The following ADAMTSL2 variants were observed in gnomAD, a reference collection of about 807,000 sequenced individuals.
The protein encoded by ADAMTSL2 is ADAMTS-like protein 2.
Under a neutral mutation model 117.0 loss-of-function variants are expected in ADAMTSL2, and 55 were observed. That is an observed-to-expected ratio of 0.47 (90% CI 0.38 to 0.59). The LOEUF (loss-of-function observed/expected upper bound fraction) is 0.59. ADAMTSL2 is among the 20% of genes least tolerant of loss of function. The pLI is 0.00. For synonymous variants in ADAMTSL2, 572 were observed against 566.4 expected, an observed-to-expected ratio of 1.01 and a Z score of -0.14; for missense variants, 1,182 against 1,354.5, an observed-to-expected ratio of 0.87 and a Z score of 2.00.
chr9:133,565,874 C>CACACACAT (rs1412659047), intron 12 of ADAMTSL2, among the ~76,000 whole-genome samples: 338 of 151,948 alleles, frequency 2.2e-3, no homozygotes, highest in African/African-American at 6.8e-3. Context: ...CACACACACA[C>CACACACAT]AGCCACAGCA....
intron 7 of ADAMTSL2, among the ~76,000 whole-genome samples, chr9:133,541,288 G>A (rs940895606): frequency 6.8e-6 from 1 of 146,984 alleles, no homozygotes; most frequent in Admixed American, 6.9e-5. Flanking sequence ...TGTTAACAAT[G>A]CACCTTTTTT....
intron 12 of ADAMTSL2, among the ~76,000 whole-genome samples, chr9:133,564,279 G>A (rs961544359): frequency 0.01 from 105 of 10,374 alleles, no homozygotes; most frequent in South Asian, 0.016. Context: ...AGAGAAAGAG[G>A]GAGAGAGAGA....
rs1373823561 is a variant in ADAMTSL2, at chr9:133,540,689, C to T, written c.504C>T (p.Gly168=). ...AGCTCATGGTCCCCGCCCGCGACGG[C>T]ACATCCTGCAAGCTCACTGACCTGC... is the stretch of plus-strand genomic sequence containing the variant. The part of the protein sequence containing the change: ...QRQLMVPARD[G]TSCKLTDLRG... Residue 168 remains glycine (G), a synonymous_variant, in exon 6 of 19, where the codon GGC becomes GGT. Transcript: ENST00000651351. 6.2e-7 allele frequency: 1 copy of T among 1,613,736 alleles called. No homozygotes were observed. The highest frequency in any genetic ancestry group is 2.2e-5 in the East Asian group (1 of 44,898).
intron 7 of ADAMTSL2, 106 bp from the exon 8 acceptor site, chr9:133,544,364 C>T (rs1420359640): frequency 1.1e-5 from 11 of 966,050 alleles, no homozygotes; most frequent in Non-Finnish European, 1.9e-5. Context: ...TTGGGCCAGC[C>T]CTTAGACAGC....
At chr9:133,559,516 T>G (rs1228734851) in intron 11 of ADAMTSL2, among the ~76,000 whole-genome samples, 2 of 151,480 alleles carry the variant, frequency 1.3e-5, no homozygotes, top group African/African-American at 4.8e-5. Context: ...GTGAATTTTT[T>G]TTTTTTTTTG....
Position 133,568,405 on chromosome 9 carries a change from C to A in ADAMTSL2, c.2007C>A (p.Ala669=). 6.2e-7 allele frequency: 1 copy of A among 1,607,942 alleles called. No homozygotes were observed. Residue 669 remains alanine (A), a synonymous_variant, in exon 14 of 19, where the codon GCC becomes GCA. Coordinates refer to ENST00000651351, the MANE Select transcript of ADAMTSL2 (RefSeq NM_014694.4). The stretch of plus-strand genomic sequence containing the variant: ...TGTACAGCGACCTGTGCGAGGCAGC[C>A]GAGGCCGTGCGGCCCGAGGAACGCA... ...SSVYSDLCEA[A]EAVRPEERKT...
At position 133,555,645 on chromosome 9, in the gene ADAMTSL2, C is replaced by G; in HGVS notation, c.1364C>G (p.Ala455Gly). ...THFASQEFFS[A>G]NAISDQLLGA... ...TTCGCCTCCCAGGAGTTCTTCTCGGCTAACGCCATCTCTGACCAGCTGCTG... is the reference window on the plus strand; with the variant it reads ...TTCGCCTCCCAGGAGTTCTTCTCGGGTAACGCCATCTCTGACCAGCTGCTG... The change falls in exon 11 of 19, where the codon GCT (alanine) becomes GGT (glycine). Residue 455 changes from alanine to glycine, a missense_variant. Ala to Gly is a moderately conservative substitution (Grantham distance 60). Around this residue, in one of 3 missense-constraint regions of ADAMTSL2, gnomAD observed 345 missense variants for 325.8 expected, o/e 1.06. Coordinates refer to ENST00000651351, the MANE Select transcript of ADAMTSL2 (RefSeq NM_014694.4). The G allele has an allele frequency of 1.9e-6, 3 of 1,613,702 alleles. No individual in the cohort carries two copies. Among genetic ancestry groups the G allele is most frequent in the Non-Finnish European group, 1.7e-6 (2 of 1,180,030 alleles).
intron 7 of ADAMTSL2, among the ~76,000 whole-genome samples, chr9:133,542,790 G>A (rs1056652575): frequency 3.3e-5 from 5 of 152,188 alleles, no homozygotes; most frequent in Non-Finnish European, 7.3e-5. Flanking sequence ...GACGAACTGT[G>A]CTTGGTAACC....
At chr9:133,570,604 C>T (rs940931846) in intron 17 of ADAMTSL2, 97 bp downstream of exon 17, 2 of 1,339,834 alleles carry the variant, frequency 1.5e-6, no homozygotes, top group African/African-American at 1.4e-5. Context: ...GCTTCCTGCT[C>T]CTCCCTCCCT....
Position 133,542,138 on chromosome 9 carries a change from T to C in ADAMTSL2, c.682+1137T>C, listed in dbSNP as rs937912329. ...CGAGGGAATGACCTCAGCCTGCCAC[T>C]GAGGGCTAACTGTGGCGTGAGTGTT... On this transcript the variant is annotated intron_variant, in intron 7 of 18. Coordinates refer to ENST00000651351, the MANE Select transcript of ADAMTSL2 (RefSeq NM_014694.4). Among the ~76,000 whole-genome samples, 7 of 152,276 alleles carry C rather than the reference T, an allele frequency of 4.6e-5. No individual in the cohort carries two copies. The South Asian group carries it at 1.0e-3, about 23-fold the overall frequency.
At chr9:133,536,060 C>T (rs1353692489) in intron 1 of ADAMTSL2, among the ~76,000 whole-genome samples, 2 of 152,172 alleles carry the variant, frequency 1.3e-5, no homozygotes, top group East Asian at 1.9e-4. Context: ...GATCGGGAGG[C>T]GGCATAGGTA....
chr9:133,538,843 G>A (rs1159877520), intron 4 of ADAMTSL2, among the ~76,000 whole-genome samples: 1 of 152,080 alleles, frequency 6.6e-6, no homozygotes, highest in East Asian at 1.9e-4. Context: ...GGTTGCTCTC[G>A]GAGCCCTTCT....
Position 133,558,458 on chromosome 9 carries a change from G to T in ADAMTSL2, c.1649+2528G>T, listed in dbSNP as rs1487196357. On this transcript the variant is annotated intron_variant, in intron 11 of 18. Transcript: ENST00000651351. This position sits in a 1 kb window ranked among gnomAD's most constrained non-coding sequence, Gnocchi z 4.3. The stretch of plus-strand genomic sequence containing the variant: ...AAAGCTTCAAACAATCAAGGGAGGG[G>T]CCCCTGTCACCAGACTCCGACTTTG... 6.6e-6 allele frequency among the ~76,000 whole-genome samples: 1 copy of T among 152,160 alleles called. No individual in the cohort carries two copies. Among genetic ancestry groups the T allele is most frequent in the East Asian group, 1.9e-4 (1 of 5,202 alleles).
At position 133,574,036 on chromosome 9, in the gene ADAMTSL2, C is replaced by A; in HGVS notation, c.2737+49C>A. ...TGGCTCTGGGAATTCCCAGGGGAGG[C>A]GAGGACAGAGTCAGGGCCTGAGGGG... On this transcript the variant is annotated intron_variant, in intron 18 of 18. Transcript: ENST00000651351. 2.5e-6 allele frequency: 4 copies of A among 1,578,144 alleles called. No individual in the cohort carries two copies. In the South Asian group the frequency reaches 3.4e-5, roughly 13 times the overall value.
chr9:133,574,582 A>C (rs371247576), intron 18 of ADAMTSL2, among the ~76,000 whole-genome samples, 164 bp from the exon 19 acceptor site: 1 of 152,230 alleles, frequency 6.6e-6, no homozygotes, highest in East Asian at 1.9e-4. Context: ...CATCTTGGGG[A>C]CAGAGATGGG....
chr9:133,540,774 G>A (rs371257607), intron 6 of ADAMTSL2, 31 bp downstream of exon 6: 64 of 1,613,564 alleles, frequency 4.0e-5, no homozygotes, highest in Middle Eastern at 1.6e-4. Context: ...AAGTACCGCC[G>A]GTCTCACTGT....
At position 133,555,774 on chromosome 9, in the gene ADAMTSL2, A is replaced by C; in HGVS notation, c.1493A>C (p.Asp498Ala). The change falls in exon 11 of 19, where the codon GAT becomes GCT. Residue 498 changes from aspartate (D) to alanine (A), a missense_variant. Transcript: ENST00000651351. ...RSSLAESFFV[D>A]YEENEGAGPY... ...TCCCTGGCCGAGAGCTTCTTCGTGG[A>C]TTATGAGGAGAACGAGGGGGCTGGC... 1 of 1,614,028 alleles carries C rather than the reference A, an allele frequency of 6.2e-7. No individual in the cohort carries two copies. The highest frequency in any genetic ancestry group is 8.5e-7 in the Non-Finnish European group (1 of 1,180,038).
intron 7 of ADAMTSL2, among the ~76,000 whole-genome samples, chr9:133,541,605 AAGGG>A (rs1291988461): frequency 3.9e-5 from 6 of 152,180 alleles, no homozygotes; most frequent in African/African-American, 1.4e-4. Flanking sequence ...ACACTTTAAA[AAGGG>A]AGAAACTAAG....
chr9:133,561,771 G>A (rs911428296), intron 12 of ADAMTSL2, among the ~76,000 whole-genome samples: 41 of 152,256 alleles, frequency 2.7e-4, no homozygotes, highest in African/African-American at 7.9e-4. Flanking sequence ...GACCCTCCTC[G>A]GTGGTGCCTG....
Sources: allele counts gnomAD v4.1 joint callset (sites outside exome capture counted in the v4.1 genomes callset), GRCh38; gene constraint gnomAD v4.1.1; regional missense constraint gnomAD v4.1.1; non-coding constraint Gnocchi (gnomAD v3.1); transcripts MANE v1.5; gene names NCBI Gene and HGNC (gene_info 2026-07-23, HGNC 2026-07-21).